Variants in ZNF224 observed in about 807,000 individuals in gnomAD.
ZNF224 encodes the protein zinc finger protein 224.
ZNF224 carries 8 observed loss-of-function variants against 10.5 expected under a neutral mutation model. The ratio of observed to expected loss-of-function variants is 0.76; its 90% CI spans 0.45 to 1.37. ZNF224 has a LOEUF of 1.37. Ranked by LOEUF, ZNF224 falls within the 40% of genes most tolerant of loss-of-function variation. ZNF224 has a pLI of 0.00. For synonymous variants in ZNF224, 282 were observed against 287.8 expected (o/e 0.98, Z 0.20); for missense variants, 754 against 854.0 (o/e 0.88, Z 1.46).
intron 5 of ZNF224, among the ~76,000 whole-genome samples, chr19:44,104,596 G>A (rs776178466): frequency 3.9e-5 from 6 of 152,178 alleles, no homozygotes; most frequent in Admixed American, 1.3e-4. Flanking sequence ...AGTAGGATGC[G>A]TTAAATTCCC....
chr19:44,106,007 C>T (rs1321425381), intron 5 of ZNF224: 2 of 183,454 alleles, frequency 1.1e-5, no homozygotes, highest in Admixed American at 1.1e-4. Flanking sequence ...GATGTAAGGA[C>T]TTCTTTTCCT....
chr19:44,107,462 G>A lies in ZNF224; in HGVS notation c.1302G>A (p.Gly434=), dbSNP rs371899970. ...AACCATACAAATGTGTGGAGTGTGG[G>A]AAGGGCTACAAAAGGAGGTTGGATC... The part of the protein sequence containing the change: ...GEKPYKCVEC[G]KGYKRRLDLD... Residue 434 remains glycine (G), a synonymous_variant, in exon 6 of 6, where the codon GGG becomes GGA. Transcript: ENST00000693561. 6.2e-7 allele frequency: 1 copy of A among 1,607,200 alleles called. No individual in the cohort carries two copies. Among genetic ancestry groups the A allele is most frequent in the Non-Finnish European group, 8.5e-7 (1 of 1,177,056 alleles).
chr19:44,098,489 C>G (rs1334094401), intron 3 of ZNF224, among the ~76,000 whole-genome samples: 1 of 152,212 alleles, frequency 6.6e-6, no homozygotes, highest in Non-Finnish European at 1.5e-5. Context: ...GATTCTCTTT[C>G]CCCCATGCCT....
chr19:44,107,374 GT>G lies in ZNF224; in HGVS notation c.1215del (p.Cys405TrpfsTer68). 1 of 1,601,338 alleles carries G rather than the reference GT, an allele frequency of 6.2e-7. No homozygotes were observed. Among genetic ancestry groups the G allele is most frequent in the Admixed American group, 1.7e-5 (1 of 57,610 alleles). On this transcript the variant is annotated frameshift_variant, in exon 6 of 6. Coordinates refer to ENST00000693561, the MANE Select transcript of ZNF224 (RefSeq NM_001321645.3). LOFTEE classifies it low-confidence loss of function (END_TRUNC). ...SGEKPFKCEE[C>X]GKGFYTNSQC... is the part of the protein sequence containing the mutation. The stretch of plus-strand genomic sequence containing the variant: ...GAAAAACCATTCAAATGTGAAGAAT[GT>G]GGGAAAGGATTTTACACAAATTCAC...
chr19:44,104,481 G>A (rs559807973), intron 5 of ZNF224, among the ~76,000 whole-genome samples: 2 of 152,310 alleles, frequency 1.3e-5, no homozygotes, highest in African/African-American at 2.4e-5. Flanking sequence ...TAAAAGTTAC[G>A]GATATTTACA....
At chr19:44,104,030 C>T (rs1180857020) in intron 5 of ZNF224, among the ~76,000 whole-genome samples, 1 of 152,130 alleles carries the variant, frequency 6.6e-6, no homozygotes, top group Non-Finnish European at 1.5e-5. Flanking sequence ...AATATCCCCA[C>T]ATGGAACCAA....
At chr19:44,105,402 T>G (rs921867650) in intron 5 of ZNF224, 12 of 152,236 alleles carry the variant, frequency 7.9e-5, no homozygotes, top group Non-Finnish European at 4.4e-5. Context: ...ATTTATTAGC[T>G]TCATAATTTA....
At chr19:44,106,233 C>T (rs1233400192) in intron 5 of ZNF224, 163 bp from the exon 6 acceptor site, 27 of 673,994 alleles carry the variant, frequency 4.0e-5, no homozygotes, top group South Asian at 2.4e-4. Context: ...TGGTTTAGTT[C>T]GAAATTGGCC....
chr19:44,108,727 T>C lies in ZNF224; in HGVS notation c.*443T>C, dbSNP rs1329412278. 1.5e-5 allele frequency: 8 copies of C among 516,382 alleles called. No individual in the cohort carries two copies. In the East Asian group the frequency reaches 3.8e-4, roughly 25 times the overall value. 32.0% of individuals were successfully genotyped at this position (516,382 alleles called of 1,614,324 possible). On this transcript the variant is annotated 3_prime_UTR_variant, in exon 6 of 6. Coordinates refer to ENST00000693561, the MANE Select transcript of ZNF224 (RefSeq NM_001321645.3). ...TGCTAAGTCGTCACAGCCTTAACAT[T>C]GATTAGCACTTTGTATGTGTTCAGT...
rs1967790760 is a variant in ZNF224, at chr19:44,109,703, T to G, written c.*1419T>G. On this transcript the variant is annotated 3_prime_UTR_variant, in exon 6 of 6. Transcript: ENST00000693561. The stretch of plus-strand genomic sequence containing the variant: ...AGAACAGGAATTTGTGTGAATTGCA[T>G]TTATTCCTATAATAATATGAACTCA... 6.6e-6 allele frequency: 1 copy of G among 152,230 alleles called. No homozygotes were observed. Among genetic ancestry groups the G allele is most frequent in the Non-Finnish European group, 1.5e-5 (1 of 68,044 alleles). 9.4% of individuals were successfully genotyped at this position (152,230 alleles called of 1,614,324 possible). A position where few individuals can be genotyped will look rare whatever the true frequency, so the allele number is the denominator to read the frequency against.
At chr19:44,098,014 G>T in intron 3 of ZNF224, 126 bp downstream of exon 3, 1 of 981,190 alleles carries the variant, frequency 1.0e-6, no homozygotes. Context: ...TGTGTACCAT[G>T]TACTTCCTTT....
intron 2 of ZNF224, among the ~76,000 whole-genome samples, 158 bp downstream of exon 2, chr19:44,096,589 AC>A (rs1967439402): frequency 6.6e-6 from 1 of 152,212 alleles, no homozygotes; most frequent in African/African-American, 2.4e-5. Context: ...GTGCTAGATA[AC>A]ATATTACCTA....
intron 5 of ZNF224, among the ~76,000 whole-genome samples, chr19:44,104,430 T>A (rs1460302878): frequency 6.6e-6 from 1 of 152,202 alleles, no homozygotes; most frequent in Non-Finnish European, 1.5e-5. Context: ...ATTCAGTAAT[T>A]ACCTAGAAAG....
intron 3 of ZNF224, 63 bp downstream of exon 3, chr19:44,097,951 T>G: frequency 6.3e-7 from 1 of 1,588,058 alleles, no homozygotes; most frequent in Non-Finnish European, 8.6e-7. Context: ...TGTCACAAGT[T>G]TTCCTCTGTC....
In ZNF224 at chr19:44,107,487, C is replaced by T; in HGVS notation, c.1327C>T (p.Leu443Phe). The T allele has an allele frequency of 3.7e-6, 6 of 1,603,858 alleles. No homozygotes were observed. The highest frequency in any genetic ancestry group is 5.1e-6 in the Non-Finnish European group (6 of 1,175,958). Residue 443 changes from leucine to phenylalanine, a missense_variant, in exon 6 of 6, where the codon CTT (leucine) becomes TTT (phenylalanine). Leu to Phe is a conservative substitution (Grantham distance 22). Coordinates refer to ENST00000693561, the MANE Select transcript of ZNF224 (RefSeq NM_001321645.3). ...GAAGGGCTACAAAAGGAGGTTGGAT[C>T]TTGACTTTCACCAGCGCGTCCATAC... ...CGKGYKRRLD[L>F]DFHQRVHTGE...
At chr19:44,100,746 C>T (rs1967531774) in intron 3 of ZNF224, 55 bp from the exon 4 acceptor site, 7 of 1,590,918 alleles carry the variant, frequency 4.4e-6, no homozygotes, top group Admixed American at 1.7e-5. Flanking sequence ...AGTGCCACCC[C>T]TCTCCCAGGA....
chr19:44,106,393 TAGG>T lies in ZNF224; in HGVS notation c.236_238del (p.Gly79del). 1 of 1,614,094 alleles carries T rather than the reference TAGG, an allele frequency of 6.2e-7. No individual in the cohort carries two copies. Among genetic ancestry groups the T allele is most frequent in the Non-Finnish European group, 8.5e-7 (1 of 1,179,966 alleles). On this transcript the variant is annotated splice_acceptor_variant and coding_sequence_variant, in exon 6 of 6. Coordinates refer to ENST00000693561, the MANE Select transcript of ZNF224 (RefSeq NM_001321645.3). LOFTEE classifies it high-confidence loss of function. The stretch of plus-strand genomic sequence containing the variant: ...CTCATCTTTTAATTCTGTATTCTGA[TAGG>T]AGACAAGATCCAAACTGAGATGGAG...
chr19:44,097,571 G>T lies in ZNF224; in HGVS notation c.-68-235G>T, dbSNP rs527487095. The T allele has an allele frequency of 2.0e-5, 7 of 348,818 alleles. No individual in the cohort carries two copies. The South Asian group carries it at 5.2e-4, about 26-fold the overall frequency. 21.6% of individuals were successfully genotyped at this position (348,818 alleles called of 1,614,324 possible). On this transcript the variant is annotated intron_variant, in intron 2 of 5. Coordinates refer to ENST00000693561, the MANE Select transcript of ZNF224 (RefSeq NM_001321645.3). ...CAAAGGTTCATGTATGTTGTAGCAT[G>T]AGTCAGTACTTCATTTCTTTAAATT...
At position 44,097,807 on chromosome 19, in the gene ZNF224, C is replaced by T; in HGVS notation, c.-67C>T. ...TCTGCCTTTCCTGGCACTTTGCAGG[C>T]ACAATTCTGCTTTCCCAGGAACTGC... On this transcript the variant is annotated splice_region_variant and 5_prime_UTR_variant, in exon 3 of 6. Transcript: ENST00000693561. 1.9e-6 allele frequency: 3 copies of T among 1,585,220 alleles called. No individual in the cohort carries two copies. The highest frequency in any genetic ancestry group is 2.6e-6 in the Non-Finnish European group (3 of 1,161,020).
Sources: gnomAD v4.1 joint callset for allele counts (sites outside exome capture counted in the v4.1 genomes callset) on GRCh38, gnomAD v4.1.1 for gene constraint, MANE v1.5 for transcripts, NCBI Gene and HGNC (gene_info 2026-07-23, HGNC 2026-07-21) for gene names.